Variants in BRCA1 observed in about 807,000 individuals in gnomAD.
BRCA1 encodes BRCA1 DNA repair associated.
A neutral mutation model predicts 173.7 loss-of-function variants in BRCA1; 140 were observed. The ratio of observed to expected loss-of-function variants is 0.81; its 90% CI spans 0.70 to 0.93. The LOEUF is 0.93. Among genes scored for constraint, BRCA1 ranks in the 40% least tolerant of loss-of-function variants. The probability of loss-of-function intolerance (pLI) is 0.00; values close to 1 mark genes in which losing one functional copy is unlikely to be tolerated. For synonymous variants in BRCA1, 662 were observed against 756.0 expected (o/e 0.88, Z 2.04); for missense variants, 1,983 against 2,172.5 (o/e 0.91, Z 1.73).
intron 3 of BRCA1, 122 bp downstream of exon 3, chr17:43,115,604 T>G: frequency 3.2e-6 from 3 of 940,578 alleles, no homozygotes; most frequent in Middle Eastern, 2.5e-4. Flanking sequence ...TGAAATGGAG[T>G]TGGATTTTTC....
At chr17:43,069,825 G>A (rs569300149) in intron 15 of BRCA1, among the ~76,000 whole-genome samples, 31 of 152,278 alleles carry the variant, frequency 2.0e-4, no homozygotes, top group African/African-American at 6.7e-4. Context: ...AGATATTTCA[G>A]AATGACTTGG....
rs1246721860 is a variant in BRCA1, at chr17:43,090,966, T to C, written c.4163A>G (p.Gln1388Arg). The change falls in exon 11 of 23, where the codon CAG (glutamine) becomes CGG (arginine). Residue 1388 changes from glutamine (Q) to arginine (R), a missense_variant. Coordinates refer to ENST00000357654, the MANE Select transcript of BRCA1 (RefSeq NM_007294.4). ...TACCTGAGTGGTTAAAATGTCACTC[T>C]GAGAGGATAGCCCTGAGCAGTCTTC... ...VSEDCSGLSS[Q>R]SDILTTQQRD... The C allele has an allele frequency of 4.3e-6, 7 of 1,612,084 alleles. No homozygotes were observed. The highest frequency in any genetic ancestry group is 5.9e-6 in the Non-Finnish European group (7 of 1,179,168).
intron 18 of BRCA1, among the ~76,000 whole-genome samples, chr17:43,057,632 G>A (rs1448496712): frequency 4.0e-5 from 6 of 151,864 alleles, no homozygotes; most frequent in Non-Finnish European, 7.4e-5. Context: ...TCAGGAGATC[G>A]AGACCATCCT....
intron 12 of BRCA1, 148 bp downstream of exon 12, chr17:43,082,256 G>C (rs1206872070): frequency 4.5e-6 from 4 of 890,414 alleles, no homozygotes; most frequent in Non-Finnish European, 6.9e-6. Context: ...TTAGTTGTGA[G>C]CAGGGACAAG....
chr17:43,062,789 G>A (rs921980946), intron 18 of BRCA1, among the ~76,000 whole-genome samples: 4 of 151,816 alleles, frequency 2.6e-5, no homozygotes, highest in African/African-American at 9.7e-5. Context: ...TAGAGACAGG[G>A]TTTCACCATG....
At chr17:43,076,715 T>C in intron 12 of BRCA1, 101 bp from the exon 13 acceptor site, 1 of 1,441,008 alleles carries the variant, frequency 6.9e-7, no homozygotes, top group Non-Finnish European at 9.6e-7. Flanking sequence ...CAATCTATGA[T>C]ACACAAATTG....
chr17:43,094,766 C>G lies in BRCA1; in HGVS notation c.765G>C (p.Glu255Asp), dbSNP rs62625299. 1 of 1,611,322 alleles carries G rather than the reference C, an allele frequency of 6.2e-7. No individual in the cohort carries two copies. The highest frequency in any genetic ancestry group is 1.1e-5 in the South Asian group (1 of 90,814). Residue 255 changes from glutamate (E) to aspartate (D), a missense_variant, in exon 10 of 23, where the codon GAG becomes GAC. Transcript: ENST00000357654. ...TACCCTGATACTTTTCTGGATGCCTCTCAGCTGCACGCTTCTCAGTGGTGT... is the reference window on the plus strand; with the variant it reads ...TACCCTGATACTTTTCTGGATGCCTGTCAGCTGCACGCTTCTCAGTGGTGT... ...DLNTTEKRAA[E>D]RHPEKYQGSS...
intron 15 of BRCA1, among the ~76,000 whole-genome samples, chr17:43,068,005 C>T (rs1056884085): frequency 2.6e-5 from 4 of 151,274 alleles, no homozygotes; most frequent in Admixed American, 6.6e-5. Flanking sequence ...CGGCTGGGCG[C>T]GGTGGCTCAC....
At chr17:43,154,423 G>A (rs2056183171) in intron 1 of BRCA1, among the ~76,000 whole-genome samples, 1 of 151,582 alleles carries the variant, frequency 6.6e-6, no homozygotes, top group Non-Finnish European at 1.5e-5. Context: ...GGCGCAGGTT[G>A]CAGTGAGCCA....
chr17:43,074,653 C>G, intron 13 of BRCA1, 132 bp from the exon 14 acceptor site: 1 of 814,690 alleles, frequency 1.2e-6, no homozygotes, highest in Non-Finnish European at 2.0e-6. Context: ...AAAAAAGAGC[C>G]CGCAAGACAG....
rs1462831103 is a variant in BRCA1, at chr17:43,168,181, CTG to C, written c.-20+1943_-20+1944del. On this transcript the variant is annotated intron_variant, in intron 1 of 7. Transcript: ENST00000634433. ...TTCTGGTGACTTACCAGATTGGACACTGTAAGATTTTCTGCATAGCATTAAGG... is the reference window on the plus strand; with the variant it reads ...TTCTGGTGACTTACCAGATTGGACACTAAGATTTTCTGCATAGCATTAAGG... 20 of 408,594 alleles carry C rather than the reference CTG, an allele frequency of 4.9e-5. No homozygotes were observed. In the Middle Eastern group the frequency reaches 1.2e-3, roughly 25 times the overall value. 25.3% of individuals were successfully genotyped at this position (408,594 alleles called of 1,614,324 possible).
Position 43,095,981 on chromosome 17 carries a change from C to T in BRCA1, c.594-59G>A, listed in dbSNP as rs2054121070. On this transcript the variant is annotated intron_variant, in intron 8 of 22. Coordinates refer to ENST00000357654, the MANE Select transcript of BRCA1 (RefSeq NM_007294.4). ...ACTAGTTACATGTATGCAGAACTGT[C>T]AAATGACCAAGATCAAACATTTTAG... 2.9e-6 allele frequency: 4 copies of T among 1,367,352 alleles called. No individual in the cohort carries two copies. The South Asian group carries it at 4.8e-5, about 16-fold the overall frequency. 84.7% of individuals were successfully genotyped at this position (1,367,352 alleles called of 1,614,324 possible).
intron 12 of BRCA1, 61 bp downstream of exon 12, chr17:43,082,343 G>C (rs2154142714): frequency 6.5e-7 from 1 of 1,539,136 alleles, no homozygotes; most frequent in Non-Finnish European, 9.0e-7. Context: ...TCTTCAGAAG[G>C]AGATAAAGGG....
chr17:43,129,762 C>G (rs183331563), upstream of BRCA1, among the ~76,000 whole-genome samples: 10 of 152,314 alleles, frequency 6.6e-5, no homozygotes, highest in Admixed American at 1.3e-4. Context: ...GCGTGAGCCA[C>G]CGCACCTGGC....
chr17:43,051,555 TG>T (rs1439116362), intron 19 of BRCA1, among the ~76,000 whole-genome samples: 1 of 152,174 alleles, frequency 6.6e-6, no homozygotes, highest in African/African-American at 2.4e-5. Context: ...TATCCAGACT[TG>T]GTACCTCAAG....
chr17:43,102,357 C>CTTTTTTTTTTTTTTTT (rs35584960), intron 6 of BRCA1, among the ~76,000 whole-genome samples: 3 of 93,212 alleles, frequency 3.2e-5, no homozygotes, highest in African/African-American at 4.4e-5. Context: ...AGGCGTGAAG[C>CTTTTTTTTTTTTTTTT]TTTTTTTTTT....
chr17:43,100,678 A>ATATATAT (rs1491277616), intron 6 of BRCA1, among the ~76,000 whole-genome samples: 17 of 36,254 alleles, frequency 4.7e-4, no homozygotes, highest in Admixed American at 1.1e-3. Flanking sequence ...ATATATATAT[A>ATATATAT]ATATATATAT....
chr17:43,111,818 T>C (rs1379940686), intron 3 of BRCA1, among the ~76,000 whole-genome samples: 1 of 152,038 alleles, frequency 6.6e-6, no homozygotes, highest in Non-Finnish European at 1.5e-5. Flanking sequence ...CGAGACTCCG[T>C]CTCAAAACAA....
chr17:43,091,021 A>G lies in BRCA1; in HGVS notation c.4108T>C (p.Ser1370Pro), dbSNP rs2154258415. The part of the protein sequence containing the change: ...SMDSNLGEAA[S>P]GCESETSVSE... Reference sequence around the variant, plus strand: ...ACGCTTGTTTCACTCTCACACCCAGATGCTGCTTCACCTTAAATAACAAAA... The same window carrying G: ...ACGCTTGTTTCACTCTCACACCCAGGTGCTGCTTCACCTTAAATAACAAAA... The change falls in exon 11 of 23, where the codon TCT becomes CCT. Residue 1370 changes from serine to proline, a missense_variant. Physicochemically the swap from Ser to Pro is moderately conservative, Grantham distance 74. Transcript: ENST00000357654. 1 of 1,612,510 alleles carries G rather than the reference A, an allele frequency of 6.2e-7. No homozygotes were observed. The highest frequency in any genetic ancestry group is 8.5e-7 in the Non-Finnish European group (1 of 1,179,406).
Sources: allele counts gnomAD v4.1 joint callset (sites outside exome capture counted in the v4.1 genomes callset), GRCh38; gene constraint gnomAD v4.1.1; transcripts MANE v1.5; gene names NCBI Gene and HGNC (gene_info 2026-07-23, HGNC 2026-07-21).